CNTN6: variants seen among roughly 807,000 people sequenced by gnomAD.
CNTN6 encodes contactin-6.
A neutral mutation model predicts 122.8 loss-of-function variants in CNTN6; 137 were observed. That is an observed-to-expected ratio of 1.12 (90% CI 0.97 to 1.29). The LOEUF (loss-of-function observed/expected upper bound fraction) is 1.29. Among genes scored for constraint, CNTN6 ranks in the 50% most tolerant of loss-of-function variants. The pLI, the probability that CNTN6 is intolerant of heterozygous loss-of-function variation, is 0.00. For synonymous variants in CNTN6, 570 were observed against 426.0 expected, an observed-to-expected ratio of 1.34 and a Z score of -4.16; for missense variants, 1,634 against 1,223.4, an observed-to-expected ratio of 1.34 and a Z score of -5.01.
At chr3:1,400,115 A>G (rs1695498110) in intron 20 of CNTN6, among the ~76,000 whole-genome samples, 2 of 152,132 alleles carry the variant, frequency 1.3e-5, no homozygotes, top group South Asian at 4.1e-4. Flanking sequence ...AATAGTTTCC[A>G]CTTCTACCAG....
At chr3:1,103,125 AAAAG>A (rs1415025517) in intron 1 of CNTN6, among the ~76,000 whole-genome samples, 4 of 152,344 alleles carry the variant, frequency 2.6e-5, no homozygotes, top group Non-Finnish European at 4.4e-5. Flanking sequence ...AAATAAAAAA[AAAAG>A]AAAGTCCTTA....
At chr3:1,295,520 G>A in intron 5 of CNTN6, 81 bp from the exon 6 acceptor site, 10 of 1,252,966 alleles carry the variant, frequency 8.0e-6, no homozygotes, top group Non-Finnish European at 1.1e-5. Flanking sequence ...GGGGAAGTAA[G>A]ACAAAGAATT....
At chr3:1,131,871 G>A (rs546294727) in intron 1 of CNTN6, among the ~76,000 whole-genome samples, 1 of 152,042 alleles carries the variant, frequency 6.6e-6, no homozygotes, top group East Asian at 1.9e-4. Flanking sequence ...AAGGAAAAAT[G>A]TAGCCGTATA....
At position 1,374,263 on chromosome 3, in the gene CNTN6, A is replaced by G. The variant is rs527410265; in HGVS notation, c.2095+190A>G. 1.2e-4 allele frequency among the ~76,000 whole-genome samples: 18 copies of G among 152,230 alleles called. No individual in the cohort carries two copies. In the South Asian group the frequency reaches 2.1e-3, roughly 18 times the overall value. ...GTATTTTCTCCAAATAGTAGGTTCA[A>G]TAAGAAATGATTACCTTTAAGCCAA... On this transcript the variant is annotated intron_variant, in intron 16 of 22. Coordinates refer to ENST00000446702, the MANE Select transcript of CNTN6 (RefSeq NM_001289080.2).
At chr3:1,213,353 G>A (rs927764977) in intron 2 of CNTN6, among the ~76,000 whole-genome samples, 1 of 152,046 alleles carries the variant, frequency 6.6e-6, no homozygotes, top group African/African-American at 2.4e-5. Context: ...GAGGTAGGGG[G>A]TTGGAAACTT....
At chr3:1,293,064 C>T (rs771297328) in intron 5 of CNTN6, among the ~76,000 whole-genome samples, 1 of 152,120 alleles carries the variant, frequency 6.6e-6, no homozygotes, top group Admixed American at 6.5e-5. Flanking sequence ...TCCTGCTGTT[C>T]CTGGTCTCAT....
At chr3:1,219,848 C>G (rs79242831) in intron 2 of CNTN6, among the ~76,000 whole-genome samples, 12,812 of 151,736 alleles carry the variant, frequency 0.084, 652 homozygotes, top group Non-Finnish European at 0.12. Flanking sequence ...AACACCATCT[C>G]TACAAGAAAA....
chr3:1,333,468 T>C (rs1018369536), intron 11 of CNTN6, among the ~76,000 whole-genome samples: 4 of 152,042 alleles, frequency 2.6e-5, no homozygotes, highest in African/African-American at 9.7e-5. Flanking sequence ...GTTGTATATA[T>C]ATGAAGAATA....
chr3:1,136,794 A>C (rs2092486042), intron 1 of CNTN6, among the ~76,000 whole-genome samples: 1 of 152,156 alleles, frequency 6.6e-6, no homozygotes, highest in Non-Finnish European at 1.5e-5. Context: ...CAGGATTCTG[A>C]TGATACTGGT....
intron 4 of CNTN6, among the ~76,000 whole-genome samples, chr3:1,251,965 C>T (rs926613773): frequency 6.6e-6 from 1 of 152,148 alleles, no homozygotes; most frequent in African/African-American, 2.4e-5. Flanking sequence ...CTCTGACTAA[C>T]TAGATGTGTT....
intron 5 of CNTN6, among the ~76,000 whole-genome samples, chr3:1,284,647 G>T (rs541689565): frequency 6.6e-6 from 1 of 152,168 alleles, no homozygotes; most frequent in African/African-American, 2.4e-5. Flanking sequence ...TTATAATAAA[G>T]AAATATAAAG....
chr3:1,247,108 C>T (rs1355572275), intron 4 of CNTN6, among the ~76,000 whole-genome samples: 1 of 151,940 alleles, frequency 6.6e-6, no homozygotes, highest in African/African-American at 2.4e-5. Flanking sequence ...TCATATTTTC[C>T]TGTTATCTTC....
intron 7 of CNTN6, among the ~76,000 whole-genome samples, chr3:1,301,692 T>G (rs432912): frequency 0.85 from 128,596 of 152,136 alleles, 54,755 homozygotes; most frequent in East Asian, 1. Context: ...AAATACCTTG[T>G]GGTAAAAATG....
At chr3:1,161,858 GT>G in intron 2 of CNTN6, among the ~76,000 whole-genome samples, 1 of 150,362 alleles carries the variant, frequency 6.7e-6, no homozygotes, top group Middle Eastern at 3.4e-3. Context: ...TTCTATACAT[GT>G]TACATTACAC....
At chr3:1,369,091 G>GT (rs1708624337) in intron 12 of CNTN6, among the ~76,000 whole-genome samples, 1 of 152,090 alleles carries the variant, frequency 6.6e-6, no homozygotes, top group Admixed American at 6.6e-5. Context: ...TTTTCACACA[G>GT]TTTCTCTGTG....
At chr3:1,348,915 T>A (rs1157928288) in intron 11 of CNTN6, among the ~76,000 whole-genome samples, 1 of 151,994 alleles carries the variant, frequency 6.6e-6, no homozygotes, top group Non-Finnish European at 1.5e-5. Context: ...CAGCTCCCTA[T>A]AATATGTCAT....
At chr3:1,387,781 A>G (rs997586496) in intron 20 of CNTN6, among the ~76,000 whole-genome samples, 4 of 152,028 alleles carry the variant, frequency 2.6e-5, no homozygotes, top group Middle Eastern at 6.8e-3. Context: ...TTCCCTTTCC[A>G]AGTCAAAGAA....
chr3:1,277,017 C>T (rs535678863), intron 4 of CNTN6, among the ~76,000 whole-genome samples: 1 of 152,256 alleles, frequency 6.6e-6, no homozygotes, highest in East Asian at 1.9e-4. Context: ...TCCTCTCAAA[C>T]ATAGTAAGTG....
At chr3:1,351,808 A>G (rs1705682997) in intron 11 of CNTN6, among the ~76,000 whole-genome samples, 2 of 151,844 alleles carry the variant, frequency 1.3e-5, no homozygotes, top group Non-Finnish European at 2.9e-5. Context: ...ATGGAACCAT[A>G]TAGATAGTTT....
Sources: gnomAD v4.1 joint callset for allele counts (sites outside exome capture counted in the v4.1 genomes callset) on GRCh38, gnomAD v4.1.1 for gene constraint, MANE v1.5 for transcripts, NCBI Gene and HGNC (gene_info 2026-07-23, HGNC 2026-07-21) for gene names.